Variants in THOC1 observed in about 807,000 individuals in gnomAD.
The protein encoded by THOC1 is THO complex 1.
A neutral mutation model predicts 97.3 loss-of-function variants in THOC1; 29 were observed. The observed-to-expected ratio is 0.30, with a 90% confidence interval of 0.22 to 0.41. The LOEUF is 0.41. THOC1 is among the 10% of genes least tolerant of loss of function. THOC1 has a pLI of 1.00. For missense variants in THOC1, 529 were observed against 761.9 expected, an observed-to-expected ratio of 0.69 and a Z score of 3.60; for synonymous variants, 255 against 257.0, an observed-to-expected ratio of 0.99 and a Z score of 0.07.
In THOC1 at chr18:254,123, G is replaced by A; in HGVS notation, c.603+150C>T. The A allele has an allele frequency of 6.8e-6, 4 of 589,144 alleles. No individual in the cohort carries two copies. The highest frequency in any genetic ancestry group is 1.2e-5 in the Non-Finnish European group (4 of 327,204). The allele number at this position is 589,144 out of a possible 1,614,324, so 36.5% of individuals were successfully genotyped here. A position where few individuals can be genotyped will look rare whatever the true frequency, so the allele number is the denominator to read the frequency against. ...AATGAGGATTTGCCATGTTGTCCAGGCTGGTCTTGAACTCCTAGGCTCAAG... is the reference window on the plus strand; with the variant it reads ...AATGAGGATTTGCCATGTTGTCCAGACTGGTCTTGAACTCCTAGGCTCAAG... On this transcript the variant is annotated intron_variant, in intron 8 of 20. Coordinates refer to ENST00000261600, the MANE Select transcript of THOC1 (RefSeq NM_005131.3). The surrounding 1 kb of genome is among the most constrained non-coding windows in gnomAD (Gnocchi z 4.1).
chr18:268,000 A>G lies in THOC1; in HGVS notation c.20T>C (p.Leu7Pro), dbSNP rs1412061837. Residue 7 changes from leucine to proline, a missense_variant, in exon 1 of 21, where the codon CTC (leucine) becomes CCC (proline). Transcript: ENST00000261600. MSPTPP[L>P]FSLPEARTRF... ...CGTCCGCGCTTCGGGCAAACTGAAG[A>G]GCGGCGGCGTCGGAGACATCTTCTC... The G allele has an allele frequency of 6.2e-7, 1 of 1,609,858 alleles. No individual in the cohort carries two copies. The highest frequency in any genetic ancestry group is 8.5e-7 in the Non-Finnish European group (1 of 1,178,494).
rs1265093903 is a variant in THOC1 at position 247,977 on chromosome 18, A to G, written c.678-20T>C. On this transcript the variant is annotated intron_variant, in intron 9 of 20. Coordinates refer to ENST00000261600, the MANE Select transcript of THOC1 (RefSeq NM_005131.3). Reference sequence around the variant, plus strand: ...ATAGAGCTAATAAAATAAACGTTATATTAAATAAATCATTCAAATTCTTTT... The same window carrying G: ...ATAGAGCTAATAAAATAAACGTTATGTTAAATAAATCATTCAAATTCTTTT... 7.4e-7 allele frequency: 1 copy of G among 1,347,126 alleles called. No homozygotes were observed. Among genetic ancestry groups the G allele is most frequent in the Non-Finnish European group, 1.0e-6 (1 of 974,930 alleles). The allele number at this position is 1,347,126 out of a possible 1,614,324, so 83.4% of individuals were successfully genotyped here. A position where few individuals can be genotyped will look rare whatever the true frequency, so the allele number is the denominator to read the frequency against.
At chr18:237,017 C>A (rs575233599) in intron 11 of THOC1, among the ~76,000 whole-genome samples, 8 of 152,042 alleles carry the variant, frequency 5.3e-5, no homozygotes, top group African/African-American at 1.9e-4. Context: ...TGTAGCATGA[C>A]TGCAGGAGTT....
chr18:247,994 A>G (rs933335329), intron 9 of THOC1, 37 bp from the exon 10 acceptor site: 4 of 1,270,066 alleles, frequency 3.1e-6, no homozygotes, highest in East Asian at 5.0e-5. Flanking sequence ...AAATCATTCA[A>G]ATTCTTTTAC....
At chr18:222,180 T>C (rs557451948) in intron 17 of THOC1, among the ~76,000 whole-genome samples, 2 of 152,342 alleles carry the variant, frequency 1.3e-5, no homozygotes, top group African/African-American at 4.8e-5. Context: ...CCACCCCTTC[T>C]TGTCTTACAT....
chr18:237,157 A>AT (rs763933161), intron 11 of THOC1, among the ~76,000 whole-genome samples: 5,049 of 126,278 alleles, frequency 0.04, 116 homozygotes, highest in East Asian at 0.065. Context: ...CATGTACTGG[A>AT]TTTTTTTTTT....
At chr18:225,559 G>GA (rs1164484014) in intron 12 of THOC1, 156 bp from the exon 13 acceptor site, 8 of 627,948 alleles carry the variant, frequency 1.3e-5, no homozygotes, top group Non-Finnish European at 1.9e-5. Flanking sequence ...GATTATAAGA[G>GA]AAAATTCTTG....
chr18:227,997 A>G (rs1911356356), intron 11 of THOC1, among the ~76,000 whole-genome samples: 1 of 151,970 alleles, frequency 6.6e-6, no homozygotes, highest in Non-Finnish European at 1.5e-5. Flanking sequence ...CTCACGTTTA[A>G]GGATTGAATA....
chr18:260,490 T>C (rs1204719920), intron 4 of THOC1, 186 bp from the exon 5 acceptor site: 1 of 434,730 alleles, frequency 2.3e-6, no homozygotes, highest in Non-Finnish European at 4.1e-6. Context: ...ATTTTTGATA[T>C]GTGCACTCAG....
chr18:217,664 G>GT (rs1910939912), intron 18 of THOC1, among the ~76,000 whole-genome samples: 1 of 152,096 alleles, frequency 6.6e-6, no homozygotes, highest in Non-Finnish European at 1.5e-5. Context: ...TGAGAAAGTG[G>GT]TAAGTGCCAC....
chr18:259,428 C>T (rs1237315793), intron 6 of THOC1, among the ~76,000 whole-genome samples, 153 bp from the exon 7 acceptor site: 2 of 152,016 alleles, frequency 1.3e-5, no homozygotes, highest in African/African-American at 4.8e-5. Flanking sequence ...CAAAAAAGTA[C>T]TATAAATTAG....
intron 7 of THOC1, 83 bp downstream of exon 7, chr18:259,097 C>G: frequency 9.6e-7 from 1 of 1,041,470 alleles, no homozygotes; most frequent in Non-Finnish European, 1.4e-6. Context: ...AACCATTTTT[C>G]TCATTATCAT....
intron 5 of THOC1, chr18:259,938 CAT>C (rs1438681637): frequency 3.8e-6 from 2 of 524,440 alleles, no homozygotes; most frequent in Non-Finnish European, 3.3e-6. Context: ...CTGTTTTAAA[CAT>C]GTGAAAGTGT....
chr18:218,666 T>C (rs866533981), intron 18 of THOC1, among the ~76,000 whole-genome samples: 3 of 151,968 alleles, frequency 2.0e-5, no homozygotes, highest in African/African-American at 4.8e-5. Flanking sequence ...TTTTTTCTTA[T>C]ATTTTGAAAC....
At chr18:219,502 C>T (rs1202405035) in intron 17 of THOC1, among the ~76,000 whole-genome samples, 3 of 151,912 alleles carry the variant, frequency 2.0e-5, no homozygotes, top group Non-Finnish European at 2.9e-5. Context: ...AATAAATACT[C>T]ATAAAGTGGT....
chr18:264,948 C>T (rs1041266981), intron 3 of THOC1: 1 of 173,616 alleles, frequency 5.8e-6, no homozygotes, highest in African/African-American at 2.4e-5. Context: ...ATCCCAGCTC[C>T]TAAGCTAAAT....
At chr18:223,859 G>A (rs1333720553) in intron 16 of THOC1, among the ~76,000 whole-genome samples, 1 of 152,088 alleles carries the variant, frequency 6.6e-6, no homozygotes, top group Non-Finnish European at 1.5e-5. Context: ...CGGAAAAAAT[G>A]GCACAGCCTA....
At chr18:234,451 C>T (rs1286059118) in intron 11 of THOC1, among the ~76,000 whole-genome samples, 2 of 152,174 alleles carry the variant, frequency 1.3e-5, no homozygotes, top group African/African-American at 2.4e-5. Context: ...ACTCAGAGAA[C>T]ATTCCTTTCT....
intron 3 of THOC1, among the ~76,000 whole-genome samples, chr18:264,553 T>C (rs187947521): frequency 2.0e-5 from 3 of 152,318 alleles, no homozygotes; most frequent in Admixed American, 6.5e-5. Context: ...AGTGCTGTTT[T>C]ACACACAACA....
Sources: gnomAD v4.1 joint callset for allele counts (sites outside exome capture counted in the v4.1 genomes callset) on GRCh38, gnomAD v4.1.1 for gene constraint, Gnocchi (gnomAD v3.1) non-coding constraint, MANE v1.5 for transcripts, NCBI Gene and HGNC (gene_info 2026-07-23, HGNC 2026-07-21) for gene names.